The following FAM171A1 variants were observed in gnomAD, a reference collection of about 807,000 sequenced individuals.
The protein encoded by FAM171A1 is family with sequence similarity 171 member A1.
Under a neutral mutation model 74.9 loss-of-function variants are expected in FAM171A1, and 23 were observed. The ratio of observed to expected loss-of-function variants is 0.31; its 90% CI spans 0.22 to 0.44. The LOEUF (loss-of-function observed/expected upper bound fraction) is 0.44, where lower values mean the gene tolerates loss of function less well. Among genes scored for constraint, FAM171A1 ranks in the 20% least tolerant of loss-of-function variants. FAM171A1 has a pLI of 1.00. For synonymous variants in FAM171A1, 527 were observed against 505.7 expected (o/e 1.04, Z -0.57); for missense variants, 1,162 against 1,159.2 (o/e 1.00, Z -0.03).
At chr10:15,347,076 T>G (rs1038600165) in intron 1 of FAM171A1, among the ~76,000 whole-genome samples, 1 of 152,128 alleles carries the variant, frequency 6.6e-6, no homozygotes, top group African/African-American at 2.4e-5. Context: ...CAATTTTTTT[T>G]AAAAGAATGG....
intron 1 of FAM171A1, among the ~76,000 whole-genome samples, chr10:15,320,524 G>A (rs1835474548): frequency 6.6e-6 from 1 of 152,188 alleles, no homozygotes; most frequent in Admixed American, 6.5e-5. Context: ...TCTGTTTTAA[G>A]TTCTTTGAGA....
intron 3 of FAM171A1, among the ~76,000 whole-genome samples, chr10:15,270,339 T>A (rs1000045966): frequency 3.3e-5 from 5 of 152,196 alleles, no homozygotes; most frequent in Non-Finnish European, 7.3e-5. Flanking sequence ...GAGGAGCATC[T>A]GCCATTGCTG....
Position 15,275,954 on chromosome 10 carries a change from GA to G in FAM171A1, c.326-8del. 1 of 1,598,326 alleles carries G rather than the reference GA, an allele frequency of 6.3e-7. No homozygotes were observed. Among genetic ancestry groups the G allele is most frequent in the South Asian group, 1.1e-5 (1 of 88,712 alleles). ...AGGCTCAGAGAGGAAAATACTGCAG[GA>G]AAAAGAAATGGATAGAAGGGGATTT... On this transcript the variant is annotated splice_region_variant and splice_polypyrimidine_tract_variant and intron_variant, in intron 2 of 7. Coordinates refer to ENST00000378116, the MANE Select transcript of FAM171A1 (RefSeq NM_001010924.2).
chr10:15,279,314 G>C (rs939544626), intron 2 of FAM171A1, among the ~76,000 whole-genome samples: 1 of 152,122 alleles, frequency 6.6e-6, no homozygotes, highest in Non-Finnish European at 1.5e-5. Context: ...GCCTTTCTTT[G>C]AATTCTAAAA....
chr10:15,367,494 C>T (rs1411126244), intron 1 of FAM171A1, among the ~76,000 whole-genome samples: 2 of 152,212 alleles, frequency 1.3e-5, no homozygotes, highest in African/African-American at 2.4e-5. Context: ...CCAGCTCCTG[C>T]GGTTTCCCAG....
chr10:15,331,859 G>GTATATATA (rs1835639494), intron 1 of FAM171A1, among the ~76,000 whole-genome samples: 8 of 44,944 alleles, frequency 1.8e-4, no homozygotes, highest in South Asian at 1.3e-3. Flanking sequence ...ATATATGTGT[G>GTATATATA]TATATATATG....
At chr10:15,214,723 G>A in intron 7 of FAM171A1, 122 bp from the exon 8 acceptor site, 5 of 1,348,462 alleles carry the variant, frequency 3.7e-6, no homozygotes, top group Non-Finnish European at 4.9e-6. Flanking sequence ...AAACAAGTCA[G>A]GAGCAGCCAA....
At chr10:15,368,852 CCTT>C (rs1184420325) in intron 1 of FAM171A1, among the ~76,000 whole-genome samples, 1 of 152,162 alleles carries the variant, frequency 6.6e-6, no homozygotes, top group African/African-American at 2.4e-5. Flanking sequence ...TTGGGACTGA[CCTT>C]CTAATGTCAA....
At chr10:15,219,151 G>A (rs779938979) in intron 6 of FAM171A1, among the ~76,000 whole-genome samples, 9 of 152,042 alleles carry the variant, frequency 5.9e-5, no homozygotes, top group South Asian at 2.1e-4. Flanking sequence ...GTGTGGCGGC[G>A]GAGACCTGTA....
intron 3 of FAM171A1, among the ~76,000 whole-genome samples, chr10:15,268,441 T>C (rs1247154218): frequency 6.6e-6 from 1 of 152,062 alleles, no homozygotes; most frequent in East Asian, 1.9e-4. Flanking sequence ...TCAAGGACAA[T>C]TCCTCGAGTT....
chr10:15,222,703 G>T (rs1292240417), intron 5 of FAM171A1, among the ~76,000 whole-genome samples: 1 of 152,190 alleles, frequency 6.6e-6, no homozygotes, highest in Non-Finnish European at 1.5e-5. Context: ...CTTATCAGTT[G>T]CCATAGCAAC....
At chr10:15,331,716 G>T (rs1835633101) in intron 1 of FAM171A1, among the ~76,000 whole-genome samples, 1 of 150,876 alleles carries the variant, frequency 6.6e-6, no homozygotes, top group Non-Finnish European at 1.5e-5. Flanking sequence ...GCCAATTACA[G>T]GACTGATGTT....
At chr10:15,216,196 C>T in intron 6 of FAM171A1, 86 bp from the exon 7 acceptor site, 1 of 816,638 alleles carries the variant, frequency 1.2e-6, no homozygotes, top group Admixed American at 3.3e-5. Context: ...GTGTCTTGTG[C>T]TTACTCTTCT....
chr10:15,249,340 C>T (rs1834478848), intron 4 of FAM171A1, among the ~76,000 whole-genome samples: 1 of 152,146 alleles, frequency 6.6e-6, no homozygotes, highest in Non-Finnish European at 1.5e-5. Flanking sequence ...AGGTGATCTG[C>T]CTGCCTTGGC....
intron 1 of FAM171A1, among the ~76,000 whole-genome samples, chr10:15,369,001 A>T (rs946611198): frequency 2.0e-5 from 3 of 152,178 alleles, no homozygotes; most frequent in Non-Finnish European, 2.9e-5. Context: ...CAACAAAGGA[A>T]GTAATCCAAG....
At chr10:15,302,313 C>G (rs2131828645) in intron 1 of FAM171A1, among the ~76,000 whole-genome samples, 1 of 151,660 alleles carries the variant, frequency 6.6e-6, no homozygotes, top group East Asian at 2.0e-4. Context: ...AAATACAAAA[C>G]AATTAGCTGG....
chr10:15,249,740 T>G (rs927864040), intron 4 of FAM171A1, among the ~76,000 whole-genome samples: 1 of 152,236 alleles, frequency 6.6e-6, no homozygotes, highest in African/African-American at 2.4e-5. Context: ...AGGACCTCAG[T>G]ATACCAATTA....
chr10:15,262,325 T>C (rs2131778311), intron 3 of FAM171A1, among the ~76,000 whole-genome samples: 1 of 152,206 alleles, frequency 6.6e-6, no homozygotes, highest in African/African-American at 2.4e-5. Context: ...AAGTTCCAAA[T>C]AAAGACAGCA....
intron 5 of FAM171A1, among the ~76,000 whole-genome samples, chr10:15,226,506 C>T (rs1001946996): frequency 3.3e-5 from 5 of 152,172 alleles, no homozygotes; most frequent in African/African-American, 9.7e-5. Context: ...AGACGTCCCC[C>T]CAATCCCCAC....
Sources: gnomAD v4.1 joint callset for allele counts (sites outside exome capture counted in the v4.1 genomes callset) on GRCh38, gnomAD v4.1.1 for gene constraint, MANE v1.5 for transcripts, NCBI Gene and HGNC (gene_info 2026-07-23, HGNC 2026-07-21) for gene names.